Variants in PTPRM observed in about 807,000 individuals in gnomAD.
PTPRM encodes protein tyrosine phosphatase receptor type M, also known as receptor-type tyrosine-protein phosphatase mu.
In PTPRM, 47 loss-of-function variants were observed where a neutral mutation model predicts 186.7. The observed-to-expected ratio is 0.25, with a 90% CI of 0.20 to 0.32. The LOEUF (loss-of-function observed/expected upper bound fraction) is 0.32. Among genes scored for constraint, PTPRM ranks in the 10% least tolerant of loss-of-function variants. The pLI, the probability that PTPRM is intolerant of heterozygous loss-of-function variation, is 1.00. For synonymous variants in PTPRM, 668 were observed against 674.9 expected (o/e 0.99, Z 0.16); for missense variants, 1,494 against 1,865.0 (o/e 0.80, Z 3.66).
rs185825812 is a variant in PTPRM at position 8,082,279 on chromosome 18, G to T, written c.1552-3392G>T. On this transcript the variant is annotated intron_variant, in intron 9 of 32. Coordinates refer to ENST00000580170, the MANE Select transcript of PTPRM (RefSeq NM_001105244.2). The stretch of plus-strand genomic sequence containing the variant: ...ATTTAAATCATGATTTAAGATCAAA[G>T]AAGAGATTTCACAGTACTCCAAGAT... 1.6e-3 allele frequency among the ~76,000 whole-genome samples: 244 copies of T among 152,254 alleles called. 2 individuals carry two copies. The highest frequency in any genetic ancestry group is 5.3e-3 in the African/African-American group (220 of 41,546).
intron 13 of PTPRM, among the ~76,000 whole-genome samples, chr18:8,119,527 G>A (rs759076021): frequency 6.6e-6 from 1 of 152,104 alleles, no homozygotes; most frequent in Non-Finnish European, 1.5e-5. Flanking sequence ...TTTTGAAATA[G>A]GAACATTAAC....
At position 7,766,525 on chromosome 18, in the gene PTPRM, G is replaced by A. The variant is rs2042022399; in HGVS notation, c.74-7624G>A. On this transcript the variant is annotated intron_variant, in intron 1 of 32. Transcript: ENST00000580170. ...TGGGGCTGCACCTGCAGGACTCAGAGGTAATGTGCCCTCTGATTGGCCGTG... is the reference window on the plus strand; with the variant it reads ...TGGGGCTGCACCTGCAGGACTCAGAAGTAATGTGCCCTCTGATTGGCCGTG... Among the ~76,000 whole-genome samples the A allele has an allele frequency of 2.0e-5, 3 of 152,210 alleles. No individual in the cohort carries two copies. In the South Asian group the frequency reaches 6.2e-4, roughly 32 times the overall value.
At chr18:7,688,771 G>A (rs1218828816) in intron 1 of PTPRM, among the ~76,000 whole-genome samples, 1 of 152,146 alleles carries the variant, frequency 6.6e-6, no homozygotes, top group African/African-American at 2.4e-5. Flanking sequence ...TGGCCAACTT[G>A]TCAGGAATAA....
chr18:7,600,645 C>G (rs998277371), intron 1 of PTPRM, among the ~76,000 whole-genome samples: 7 of 152,208 alleles, frequency 4.6e-5, no homozygotes, highest in African/African-American at 1.7e-4. Context: ...GGTTCCCTTG[C>G]TCATTCAGCA....
intron 19 of PTPRM, among the ~76,000 whole-genome samples, chr18:8,271,302 TATAAC>T (rs1260698227): frequency 2.0e-5 from 3 of 151,628 alleles, no homozygotes; most frequent in African/African-American, 7.3e-5. Context: ...AGAAAGTTAA[TATAAC>T]ATATATGTGA....
At chr18:8,378,872 G>A (rs1459729744) in intron 27 of PTPRM, among the ~76,000 whole-genome samples, 2 of 152,092 alleles carry the variant, frequency 1.3e-5, no homozygotes, top group African/African-American at 4.8e-5. Context: ...CCCCACCTCT[G>A]ACCTCCCAAA....
intron 2 of PTPRM, among the ~76,000 whole-genome samples, chr18:7,779,320 G>A (rs1487203552): frequency 6.6e-6 from 1 of 152,136 alleles, no homozygotes; most frequent in African/African-American, 2.4e-5. Flanking sequence ...AGCTTTCCAT[G>A]TCTTAGTTAT....
Position 8,248,157 on chromosome 18 carries a change from T to G in PTPRM, c.2535T>G (p.Phe845Leu), listed in dbSNP as rs2094495539. Reference protein sequence around the residue: ...SVPNSYYPDPFVPTAILVPIN... With the variant: ...SVPNSYYPDPLVPTAILVPIN... ...GCTTACGGTGTATGACAGACCCATTTGTGCCAACTGCAATTTTAGGTGAGA... is the reference window on the plus strand; with the variant it reads ...GCTTACGGTGTATGACAGACCCATTGGTGCCAACTGCAATTTTAGGTGAGA... Residue 845 changes from phenylalanine (F) to leucine (L), a missense_variant, in exon 17 of 33, where the codon TTT becomes TTG. Physicochemically the swap from Phe to Leu is conservative, Grantham distance 22. Transcript: ENST00000580170. The G allele has an allele frequency of 6.5e-7, 1 of 1,533,498 alleles. No individual in the cohort carries two copies. The highest frequency in any genetic ancestry group is 9.0e-7 in the Non-Finnish European group (1 of 1,106,694). The allele number at this position is 1,533,498 out of a possible 1,614,324, so 95.0% of individuals were successfully genotyped here. A position where few individuals can be genotyped will look rare whatever the true frequency, so the allele number is the denominator to read the frequency against.
intron 8 of PTPRM, among the ~76,000 whole-genome samples, chr18:8,070,356 T>C (rs2089390177): frequency 1.3e-5 from 2 of 151,992 alleles, no homozygotes; most frequent in East Asian, 3.9e-4. Flanking sequence ...AGATTATTTA[T>C]ATAAAATGTT....
intron 2 of PTPRM, among the ~76,000 whole-genome samples, chr18:7,796,734 C>T (rs1156811441): frequency 2.6e-5 from 4 of 152,162 alleles, no homozygotes; most frequent in Non-Finnish European, 2.9e-5. Context: ...CCCCCACACC[C>T]GTATCGCCAT....
chr18:8,164,939 C>G (rs552815542), intron 14 of PTPRM, among the ~76,000 whole-genome samples: 1 of 151,958 alleles, frequency 6.6e-6, no homozygotes, highest in Admixed American at 6.6e-5. Context: ...CCAAGGTGGG[C>G]GGATCACTAG....
chr18:7,925,067 A>G (rs1040673774), intron 4 of PTPRM, among the ~76,000 whole-genome samples: 3 of 152,228 alleles, frequency 2.0e-5, no homozygotes, highest in Non-Finnish European at 4.4e-5. Context: ...GCACATAAGT[A>G]CCCAATAAAG....
chr18:7,843,596 A>G (rs937534994), intron 2 of PTPRM, among the ~76,000 whole-genome samples: 15 of 152,190 alleles, frequency 9.9e-5, no homozygotes, highest in Non-Finnish European at 1.9e-4. Context: ...CATTTCCCAA[A>G]CCTGCTTGAA....
intron 2 of PTPRM, among the ~76,000 whole-genome samples, chr18:7,862,164 T>A (rs2146068414): frequency 6.6e-6 from 1 of 152,298 alleles, no homozygotes; most frequent in South Asian, 2.1e-4. Context: ...TGAAATCAGT[T>A]AAGTTCAAAA....
chr18:8,337,516 G>C (rs1348668530), intron 22 of PTPRM, among the ~76,000 whole-genome samples: 2 of 152,174 alleles, frequency 1.3e-5, no homozygotes, highest in Non-Finnish European at 1.5e-5. Flanking sequence ...TGCACGCAGG[G>C]GTGGCCACTC....
At chr18:7,968,331 G>A (rs1341481615) in intron 7 of PTPRM, among the ~76,000 whole-genome samples, 1 of 147,200 alleles carries the variant, frequency 6.8e-6, no homozygotes, top group East Asian at 1.9e-4. Flanking sequence ...AGGAACAACT[G>A]GTACCAGCCG....
intron 4 of PTPRM, among the ~76,000 whole-genome samples, chr18:7,919,703 T>C (rs973477196): frequency 6.6e-6 from 1 of 152,162 alleles, no homozygotes; most frequent in Non-Finnish European, 1.5e-5. Flanking sequence ...TTGGGTGAAA[T>C]GTTCTATAGA....
intron 19 of PTPRM, among the ~76,000 whole-genome samples, chr18:8,275,224 G>T (rs1488522607): frequency 6.6e-6 from 1 of 151,908 alleles, no homozygotes; most frequent in Non-Finnish European, 1.5e-5. Context: ...GAATCACTTG[G>T]GCCCAAGAGT....
chr18:7,844,774 G>A (rs1282663479), intron 2 of PTPRM, among the ~76,000 whole-genome samples: 1 of 152,098 alleles, frequency 6.6e-6, no homozygotes, highest in Non-Finnish European at 1.5e-5. Context: ...TTAGCCTCTT[G>A]GTAGTCCAAA....
Sources: allele counts gnomAD v4.1 joint callset (sites outside exome capture counted in the v4.1 genomes callset), GRCh38; gene constraint gnomAD v4.1.1; transcripts MANE v1.5; gene names NCBI Gene and HGNC (gene_info 2026-07-23, HGNC 2026-07-21).